DAPK1: variants seen among roughly 807,000 people sequenced by gnomAD.
DAPK1 encodes the protein death associated protein kinase 1, also known as death-associated protein kinase 1.
Under a neutral mutation model 144.9 loss-of-function variants are expected in DAPK1, and 56 were observed. The observed-to-expected ratio is 0.39, with a 90% confidence interval of 0.31 to 0.48. The LOEUF is 0.48. Among genes scored for constraint, DAPK1 ranks in the 20% least tolerant of loss-of-function variants. The pLI is 0.95. For missense variants in DAPK1, 1,454 were observed against 1,875.4 expected, an observed-to-expected ratio of 0.78 and a Z score of 4.15; for synonymous variants, 690 against 749.0, an observed-to-expected ratio of 0.92 and a Z score of 1.29.
intron 2 of DAPK1, among the ~76,000 whole-genome samples, chr9:87,551,100 A>G (rs1452989721): frequency 1.3e-5 from 2 of 151,668 alleles, no homozygotes; most frequent in Admixed American, 1.3e-4. Flanking sequence ...GCTACAAACC[A>G]CAGATCCTGC....
chr9:87,540,035 A>G lies in DAPK1; in HGVS notation c.62+40896A>G, dbSNP rs1035147906. On this transcript the variant is annotated intron_variant, in intron 2 of 25. Transcript: ENST00000408954. ...GTGAGAAGGTGGAAGTTCTCGACTT[A>G]AGGAAAGAAAAAAAATTATTTACTA... is the stretch of plus-strand genomic sequence containing the variant. Among the ~76,000 whole-genome samples the G allele has an allele frequency of 7.2e-5, 11 of 152,252 alleles. No individual in the cohort carries two copies. In the East Asian group the frequency reaches 2.1e-3, roughly 29 times the overall value.
At chr9:87,499,652 A>G (rs1218214069) in intron 2 of DAPK1, among the ~76,000 whole-genome samples, 1 of 152,094 alleles carries the variant, frequency 6.6e-6, no homozygotes, top group Non-Finnish European at 1.5e-5. Context: ...ACTTCTTCCA[A>G]CCAGGAATTT....
At chr9:87,540,410 C>T (rs1296241021) in intron 2 of DAPK1, among the ~76,000 whole-genome samples, 2 of 151,980 alleles carry the variant, frequency 1.3e-5, no homozygotes, top group Admixed American at 6.6e-5. Context: ...AGGCTGGTCT[C>T]GAACTCCCAA....
At chr9:87,497,848 G>C (rs927478611), upstream of DAPK1, 5 of 391,078 alleles carry the variant, frequency 1.3e-5, no homozygotes, top group African/African-American at 2.1e-5. Context: ...CCCAAAAGGC[G>C]GCAAGGAGCC....
At chr9:87,580,208 GC>G (rs1827702975) in intron 2 of DAPK1, among the ~76,000 whole-genome samples, 1 of 152,110 alleles carries the variant, frequency 6.6e-6, no homozygotes, top group Non-Finnish European at 1.5e-5. Context: ...TGATGAAACT[GC>G]CCTGTGTGCT....
At chr9:87,572,906 AG>A (rs1281567537) in intron 2 of DAPK1, among the ~76,000 whole-genome samples, 2 of 152,232 alleles carry the variant, frequency 1.3e-5, no homozygotes, top group East Asian at 3.9e-4. Context: ...TGCGGCCCAC[AG>A]AATGCATTGG....
intron 2 of DAPK1, among the ~76,000 whole-genome samples, chr9:87,550,457 G>T (rs916857613): frequency 6.6e-6 from 1 of 152,234 alleles, no homozygotes; most frequent in Non-Finnish European, 1.5e-5. Context: ...AGGCTTCTCT[G>T]CTAGCTCCTG....
At chr9:87,597,801 C>T (rs1174583728) in intron 2 of DAPK1, among the ~76,000 whole-genome samples, 1 of 152,086 alleles carries the variant, frequency 6.6e-6, no homozygotes, top group East Asian at 1.9e-4. Context: ...ACGAAGTAGG[C>T]TCTTTGATGC....
Position 87,642,019 on chromosome 9 carries a change from G to A in DAPK1, c.879G>A (p.Met293Ile). ...ALSRKASAVN[M>I]EKFKKFAARK... ...GTAGAAAAGCATCAGCAGTAAACAT[G>A]GAGAAATTCAAGAAGTTTGCAGCCC... is the stretch of plus-strand genomic sequence containing the variant. The change falls in exon 10 of 26, where the codon ATG becomes ATA. Residue 293 changes from methionine to isoleucine, a missense_variant. Met to Ile is a conservative substitution (Grantham distance 10). This residue lies in a region of DAPK1 where 429 missense variants were observed against 637.5 expected (regional missense o/e 0.67). Transcript: ENST00000408954. 2 of 1,614,060 alleles carry A rather than the reference G, an allele frequency of 1.2e-6. No homozygotes were observed. Among genetic ancestry groups the A allele is most frequent in the Non-Finnish European group, 1.7e-6 (2 of 1,179,980 alleles).
chr9:87,686,608 G>T lies in DAPK1; in HGVS notation c.2282G>T (p.Arg761Leu), dbSNP rs776863449. The change falls in exon 21 of 26, where the codon CGC (arginine) becomes CTC (leucine). Residue 761 changes from arginine (R) to leucine (L), a missense_variant. Transcript: ENST00000408954. This position sits in a 1 kb window ranked among gnomAD's most constrained non-coding sequence, Gnocchi z 4.2. ...PGCENVSVRS[R>L]SMMFEPGLTK... is the part of the protein sequence containing the mutation. The stretch of plus-strand genomic sequence containing the variant: ...TGCGAGAACGTGAGTGTGAGGAGCC[G>T]CAGCATGATGTTCGAGCCGGGTCTT... 1.9e-6 allele frequency: 3 copies of T among 1,604,926 alleles called. No homozygotes were observed. Among genetic ancestry groups the T allele is most frequent in the Non-Finnish European group, 2.6e-6 (3 of 1,174,558 alleles).
In DAPK1 at chr9:87,619,604, C is replaced by A. The variant is rs1262035382; in HGVS notation, c.284+14429C>A. Among the ~76,000 whole-genome samples, 4 of 152,172 alleles carry A rather than the reference C, an allele frequency of 2.6e-5. No individual in the cohort carries two copies. In the East Asian group the frequency reaches 7.7e-4, roughly 29 times the overall value. ...GTAGTCCTCTCTCATGAGAACGGGG[C>A]AGTTTGTCAGCAGGGCTGATTTCCA... On this transcript the variant is annotated intron_variant, in intron 3 of 25. Transcript: ENST00000408954.
chr9:87,555,337 C>T (rs1429753730), intron 2 of DAPK1, among the ~76,000 whole-genome samples: 1 of 152,160 alleles, frequency 6.6e-6, no homozygotes, highest in Non-Finnish European at 1.5e-5. Flanking sequence ...TATCTGCCCT[C>T]CCTTTTGCCT....
Position 87,499,003 on chromosome 9 carries a change from G to C in DAPK1, c.-75G>C. The C allele has an allele frequency of 1.6e-6, 2 of 1,213,242 alleles. No individual in the cohort carries two copies. Among genetic ancestry groups the C allele is most frequent in the Non-Finnish European group, 2.4e-6 (2 of 816,440 alleles). 75.2% of individuals were successfully genotyped at this position (1,213,242 alleles called of 1,614,324 possible). A position where few individuals can be genotyped will look rare whatever the true frequency, so the allele number is the denominator to read the frequency against. On this transcript the variant is annotated 5_prime_UTR_variant, in exon 2 of 26. Transcript: ENST00000408954. ...ACTGATGCATGAGGGGGCTACGGAGGCGCAGGAGCGGTGGTGATGGTCTGG... is the reference window on the plus strand; with the variant it reads ...ACTGATGCATGAGGGGGCTACGGAGCCGCAGGAGCGGTGGTGATGGTCTGG...
chr9:87,606,570 G>A (rs552735907), intron 3 of DAPK1, among the ~76,000 whole-genome samples: 49 of 33,128 alleles, frequency 1.5e-3, no homozygotes, highest in Middle Eastern at 0.029. Context: ...CCCTCCCTCC[G>A]TCTCCCCTTC....
At chr9:87,659,402 G>T (rs1450963975) in intron 18 of DAPK1, among the ~76,000 whole-genome samples, 1 of 152,176 alleles carries the variant, frequency 6.6e-6, no homozygotes, top group Admixed American at 6.5e-5. Context: ...GCCCTGCCCA[G>T]CCATGCTTGG....
chr9:87,603,358 C>T (rs759830104), intron 2 of DAPK1, among the ~76,000 whole-genome samples: 37 of 152,242 alleles, frequency 2.4e-4, no homozygotes, highest in Non-Finnish European at 4.1e-4. Flanking sequence ...TTTAAGGTAG[C>T]GAGTTTACAG....
chr9:87,588,758 AATGC>A (rs2118868781), intron 2 of DAPK1, among the ~76,000 whole-genome samples: 1 of 152,332 alleles, frequency 6.6e-6, no homozygotes, highest in Admixed American at 6.5e-5. Context: ...AGATTCAGAA[AATGC>A]ATGAAGAAGA....
intron 2 of DAPK1, among the ~76,000 whole-genome samples, chr9:87,546,347 C>A (rs1826250253): frequency 6.6e-6 from 1 of 152,082 alleles, no homozygotes; most frequent in African/African-American, 2.4e-5. Flanking sequence ...AAGGAATGGA[C>A]AGGATTTAGG....
intron 2 of DAPK1, among the ~76,000 whole-genome samples, chr9:87,519,618 C>T (rs945940598): frequency 2.0e-5 from 3 of 152,122 alleles, no homozygotes; most frequent in Non-Finnish European, 4.4e-5. Context: ...TGGGGAGTGT[C>T]CTTCTGCCTT....
Sources: gnomAD v4.1 joint callset for allele counts (sites outside exome capture counted in the v4.1 genomes callset) on GRCh38, gnomAD v4.1.1 for gene constraint, gnomAD v4.1.1 regional missense constraint, Gnocchi (gnomAD v3.1) non-coding constraint, MANE v1.5 for transcripts, NCBI Gene and HGNC (gene_info 2026-07-23, HGNC 2026-07-21) for gene names.